Variants in EPHA6 observed in about 807,000 individuals in gnomAD.
EPHA6 encodes ephrin type-A receptor 6.
EPHA6 carries 50 observed loss-of-function variants against 112.0 expected under a neutral mutation model. That is an observed-to-expected ratio of 0.45 (90% CI 0.36 to 0.56). The LOEUF (loss-of-function observed/expected upper bound fraction) is 0.56. Among genes scored for constraint, EPHA6 ranks in the 20% least tolerant of loss-of-function variants. EPHA6 has a pLI of 0.00. For synonymous variants in EPHA6, 529 were observed against 490.7 expected, an observed-to-expected ratio of 1.08 and a Z score of -1.03; for missense variants, 1,280 against 1,417.4, an observed-to-expected ratio of 0.90 and a Z score of 1.56.
At chr3:97,469,832 T>C (rs1194771391) in intron 7 of EPHA6, among the ~76,000 whole-genome samples, 1 of 151,692 alleles carries the variant, frequency 6.6e-6, no homozygotes, top group Non-Finnish European at 1.5e-5. Flanking sequence ...GAAGAGATAC[T>C]GTGGAAAGGC....
chr3:97,353,122 C>G (rs1034260736), intron 5 of EPHA6, among the ~76,000 whole-genome samples: 2 of 151,950 alleles, frequency 1.3e-5, no homozygotes, highest in Non-Finnish European at 2.9e-5. Flanking sequence ...GCCACTGGAC[C>G]TTGAATAAAC....
At chr3:97,075,442 T>C (rs1196000483) in intron 3 of EPHA6, among the ~76,000 whole-genome samples, 2 of 152,148 alleles carry the variant, frequency 1.3e-5, no homozygotes, top group East Asian at 1.9e-4. Context: ...GCCATACTTT[T>C]ATAGGCAATA....
chr3:97,088,629 ACT>A (rs2046975792), intron 3 of EPHA6, among the ~76,000 whole-genome samples: 1 of 151,770 alleles, frequency 6.6e-6, no homozygotes, highest in African/African-American at 2.4e-5. Flanking sequence ...ATTTCCCCTG[ACT>A]CTACTTTGTT....
intron 13 of EPHA6, among the ~76,000 whole-genome samples, chr3:97,635,894 A>G (rs1367663013): frequency 1.3e-5 from 2 of 152,134 alleles, no homozygotes; most frequent in Non-Finnish European, 2.9e-5. Flanking sequence ...CCTGGTCTTA[A>G]GTAACTATTT....
At position 96,960,889 on chromosome 3, in the gene EPHA6, T is replaced by C. The variant is rs1053467871; in HGVS notation, c.451-26441T>C. Among the ~76,000 whole-genome samples the C allele has an allele frequency of 1.2e-4, 19 of 152,226 alleles. 1 individual carries two copies. Among genetic ancestry groups the C allele is most frequent in the Non-Finnish European group, 2.2e-4 (15 of 68,036 alleles). ...AATCTCATATCAATCGACTCTGTTT[T>C]ACCTACCTTCTATCCTTCTCTCCCT... is the stretch of plus-strand genomic sequence containing the variant. On this transcript the variant is annotated intron_variant, in intron 2 of 17. Transcript: ENST00000389672.
intron 2 of EPHA6, among the ~76,000 whole-genome samples, chr3:96,961,205 AT>A (rs1361311235): frequency 6.6e-6 from 1 of 152,250 alleles, no homozygotes. Context: ...AGCAAGAGTG[AT>A]TGAGCCACTT....
chr3:97,669,855 C>T (rs2030620903), intron 14 of EPHA6, among the ~76,000 whole-genome samples: 1 of 152,138 alleles, frequency 6.6e-6, no homozygotes, highest in South Asian at 2.1e-4. Context: ...GTAAAGGAAA[C>T]TCTCAATTAT....
intron 5 of EPHA6, among the ~76,000 whole-genome samples, chr3:97,398,192 T>G (rs2086796207): frequency 1.3e-5 from 2 of 151,634 alleles, no homozygotes; most frequent in Admixed American, 6.6e-5. Context: ...TAAATCATTA[T>G]GAAGCAAAAT....
intron 3 of EPHA6, among the ~76,000 whole-genome samples, chr3:97,168,671 C>T (rs1282519387): frequency 6.6e-6 from 1 of 151,816 alleles, no homozygotes; most frequent in Non-Finnish European, 1.5e-5. Flanking sequence ...TTCTCCTTTG[C>T]CTTCTACTAT....
In EPHA6 at chr3:97,395,710, C is replaced by CTACA. The variant is rs572154286; in HGVS notation, c.1607-9439_1607-9436dup. Among the ~76,000 whole-genome samples, 293 of 151,056 alleles carry CTACA rather than the reference C, an allele frequency of 1.9e-3. 2 individuals carry two copies. The highest frequency in any genetic ancestry group is 6.8e-3 in the African/African-American group (279 of 41,278). ...TTATTATATTTCCCTTAAAACACAC[C>CTACA]TACACACACACACATTCCTGTCCTA... On this transcript the variant is annotated intron_variant, in intron 5 of 17. Transcript: ENST00000389672.
chr3:97,758,241 C>T lies in EPHA6; in HGVS notation c.*9540C>T, dbSNP rs956391463. On this transcript the variant is annotated 3_prime_UTR_variant, in exon 18 of 18. Coordinates refer to ENST00000389672, the MANE Select transcript of EPHA6 (RefSeq NM_001080448.3). ...GAAAACAAAATAATCGTTTTCCCTA[C>T]CTTACAACCTTGATCACTCTACCAT... Among the ~76,000 whole-genome samples the T allele has an allele frequency of 3.3e-4, 50 of 151,924 alleles. No individual in the cohort carries two copies. Among genetic ancestry groups the T allele is most frequent in the African/African-American group, 1.2e-3 (50 of 41,520 alleles).
intron 1 of EPHA6, among the ~76,000 whole-genome samples, chr3:96,837,387 C>G (rs958063578): frequency 7.9e-5 from 12 of 151,990 alleles, no homozygotes; most frequent in Non-Finnish European, 2.9e-5. Context: ...AATGTTTGTT[C>G]AGAGTATTGA....
chr3:96,963,813 C>T (rs56190523), intron 2 of EPHA6, among the ~76,000 whole-genome samples: 11,455 of 152,108 alleles, frequency 0.075, 748 homozygotes, highest in Admixed American at 0.22. Context: ...TTATAAAACT[C>T]TGGCTTTGAG....
Position 97,100,343 on chromosome 3 carries a change from A to G in EPHA6, c.1114+112350A>G, listed in dbSNP as rs757765960. Among the ~76,000 whole-genome samples, 4 of 151,476 alleles carry G rather than the reference A, an allele frequency of 2.6e-5. No individual in the cohort carries two copies. The Admixed American group carries it at 2.7e-4, about 10-fold the overall frequency. On this transcript the variant is annotated intron_variant, in intron 3 of 17. Transcript: ENST00000389672. ...AGAGATCAGTTTTTAATGCAATACT[A>G]TATATTTCTTTCTGATTATCAGGCA...
At chr3:96,931,074 C>G (rs532942403) in intron 2 of EPHA6, among the ~76,000 whole-genome samples, 1 of 148,630 alleles carries the variant, frequency 6.7e-6, no homozygotes, top group African/African-American at 2.5e-5. Flanking sequence ...TTTGGGGATC[C>G]CTTCAGCCCT....
chr3:97,735,452 G>T (rs575857293), intron 15 of EPHA6, among the ~76,000 whole-genome samples: 17 of 151,910 alleles, frequency 1.1e-4, no homozygotes, highest in African/African-American at 3.9e-4. Context: ...AAGGGATGAT[G>T]GTTAGAAACA....
At chr3:97,322,851 T>G (rs2082184955) in intron 5 of EPHA6, among the ~76,000 whole-genome samples, 1 of 152,008 alleles carries the variant, frequency 6.6e-6, no homozygotes, top group Non-Finnish European at 1.5e-5. Context: ...TGAGGAACAA[T>G]CCTCCTAACG....
At chr3:97,254,948 A>G (rs887151869) in intron 5 of EPHA6, among the ~76,000 whole-genome samples, 12 of 152,196 alleles carry the variant, frequency 7.9e-5, no homozygotes, top group African/African-American at 2.7e-4. Context: ...CATCAGTAGA[A>G]CATTCTAGTT....
At chr3:97,605,605 A>C (rs930564668) in intron 12 of EPHA6, among the ~76,000 whole-genome samples, 1 of 151,550 alleles carries the variant, frequency 6.6e-6, no homozygotes, top group Non-Finnish European at 1.5e-5. Flanking sequence ...CCATTGGTCT[A>C]TGTGCCTGTT....
Sources: gnomAD v4.1 joint callset for allele counts (sites outside exome capture counted in the v4.1 genomes callset) on GRCh38, gnomAD v4.1.1 for gene constraint, MANE v1.5 for transcripts, NCBI Gene and HGNC (gene_info 2026-07-23, HGNC 2026-07-21) for gene names.